The following ADGRA2 variants were observed in gnomAD, a reference collection of about 807,000 sequenced individuals.
ADGRA2 encodes adhesion G protein-coupled receptor A2.
ADGRA2 carries 61 observed loss-of-function variants against 98.7 expected under a neutral mutation model. That is an observed-to-expected ratio of 0.62 (90% CI 0.50 to 0.76). The LOEUF (loss-of-function observed/expected upper bound fraction) is 0.76, where lower values mean the gene tolerates loss of function less well. ADGRA2 is among the 30% of genes least tolerant of loss of function. The probability of loss-of-function intolerance (pLI) is 0.00; values close to 1 mark genes in which losing one functional copy is unlikely to be tolerated. For synonymous variants in ADGRA2, 858 were observed against 831.5 expected, an observed-to-expected ratio of 1.03 and a Z score of -0.55; for missense variants, 1,712 against 1,860.0, an observed-to-expected ratio of 0.92 and a Z score of 1.46.
intron 8 of ADGRA2, among the ~76,000 whole-genome samples, chr8:37,832,080 C>A (rs2130018767): frequency 6.6e-6 from 1 of 151,758 alleles, no homozygotes; most frequent in South Asian, 2.1e-4. Context: ...AACAAACAAA[C>A]AAACAAAATT....
At chr8:37,815,260 C>CTGT (rs1804945266) in intron 2 of ADGRA2, among the ~76,000 whole-genome samples, 1 of 152,240 alleles carries the variant, frequency 6.6e-6, no homozygotes, top group Admixed American at 6.5e-5. Context: ...CTGTGAGGGC[C>CTGT]GAGCTCTCGA....
At chr8:37,825,126 C>A (rs1320594327) in intron 2 of ADGRA2, among the ~76,000 whole-genome samples, 2 of 152,224 alleles carry the variant, frequency 1.3e-5, no homozygotes, top group Admixed American at 6.5e-5. Context: ...CAACACCCTG[C>A]GTCTTTCCCA....
At chr8:37,838,027 C>A in intron 14 of ADGRA2, 88 bp downstream of exon 14, 1 of 1,107,172 alleles carries the variant, frequency 9.0e-7, no homozygotes, top group Non-Finnish European at 1.3e-6. Context: ...CCATTTGGGA[C>A]CATGGAGAAA....
At position 37,843,277 on chromosome 8, in the gene ADGRA2, A is replaced by G. The variant is rs974293816; in HGVS notation, c.*922A>G. ...CCCATCTCCCTAGTCTCAGCCTTAC[A>G]ACACCACGGGACTAAGGAAGAGCAC... On this transcript the variant is annotated 3_prime_UTR_variant, in exon 19 of 19. Coordinates refer to ENST00000412232, the MANE Select transcript of ADGRA2 (RefSeq NM_032777.10). 10 of 152,256 alleles carry G rather than the reference A, an allele frequency of 6.6e-5. No homozygotes were observed. The highest frequency in any genetic ancestry group is 2.4e-4 in the African/African-American group (10 of 41,454). The allele number at this position is 152,256 out of a possible 1,614,324, so 9.4% of individuals were successfully genotyped here.
In ADGRA2 at chr8:37,831,594, C is replaced by T. The variant is rs988856873; in HGVS notation, c.1097+7C>T. ...ACAACCGCGGGGACTTCAGGTTTGG[C>T]CCACTCCACCCTGTAGAGGGCTGCC... is the stretch of plus-strand genomic sequence containing the variant. On this transcript the variant is annotated splice_region_variant and intron_variant, in intron 8 of 18. Coordinates refer to ENST00000412232, the MANE Select transcript of ADGRA2 (RefSeq NM_032777.10). 6.2e-7 allele frequency: 1 copy of T among 1,612,958 alleles called. No homozygotes were observed. The highest frequency in any genetic ancestry group is 2.2e-5 in the East Asian group (1 of 44,878).
At position 37,844,828 on chromosome 8, in the gene ADGRA2, C is replaced by G. The variant is rs2130086401; in HGVS notation, c.*2473C>G. The G allele has an allele frequency of 6.2e-7, 1 of 1,614,198 alleles. No homozygotes were observed. Among genetic ancestry groups the G allele is most frequent in the African/African-American group, 1.3e-5 (1 of 75,056 alleles). ...GTCCCATCCCGAAAGGCAGAGCGGA[C>G]CAGTGACTGGCGGTGCTGGAGAAGG... is the stretch of plus-strand genomic sequence containing the variant. On this transcript the variant is annotated 3_prime_UTR_variant, in exon 19 of 19. Coordinates refer to ENST00000412232, the MANE Select transcript of ADGRA2 (RefSeq NM_032777.10).
intron 2 of ADGRA2, among the ~76,000 whole-genome samples, chr8:37,823,696 C>G (rs1805189459): frequency 1.3e-5 from 2 of 152,180 alleles, no homozygotes; most frequent in Admixed American, 6.5e-5. Context: ...TGTAAGGGTT[C>G]CAGTTCTCCA....
intron 2 of ADGRA2, among the ~76,000 whole-genome samples, chr8:37,822,892 C>CTTT (rs1279274845): frequency 7.2e-6 from 1 of 139,332 alleles, no homozygotes; most frequent in African/African-American, 2.6e-5. Flanking sequence ...GTGGATACTA[C>CTTT]TTTTTTTTTT....
chr8:37,810,440 C>T (rs1229008930), intron 1 of ADGRA2, among the ~76,000 whole-genome samples: 3 of 151,654 alleles, frequency 2.0e-5, no homozygotes, highest in Admixed American at 6.6e-5. Context: ...ACCCAGGAGG[C>T]GGAGGTTGCA....
Position 37,830,886 on chromosome 8 carries a change from G to A in ADGRA2, c.895G>A (p.Ala299Thr), listed in dbSNP as rs767523114. 6.3e-7 allele frequency: 1 copy of A among 1,588,896 alleles called. No homozygotes were observed. The highest frequency in any genetic ancestry group is 1.1e-5 in the South Asian group (1 of 87,402). Reference sequence around the variant, plus strand: ...TGATGAGCAGGCGGGCATCCTCCTGGCCGAGAGCCTCATCCACGACTGCAC... The same window carrying A: ...TGATGAGCAGGCGGGCATCCTCCTGACCGAGAGCCTCATCCACGACTGCAC... ...EGDEQAGILL[A>T]ESLIHDCTFI... The change falls in exon 7 of 19, where the codon GCC becomes ACC. Residue 299 changes from alanine to threonine, a missense_variant. Physicochemically the swap from Ala to Thr is moderately conservative, Grantham distance 58 (BLOSUM62 0). Coordinates refer to ENST00000412232, the MANE Select transcript of ADGRA2 (RefSeq NM_032777.10). The surrounding 1 kb of genome is among the most constrained non-coding windows in gnomAD (Gnocchi z 4.8).
Position 37,842,750 on chromosome 8 carries a change from T to C in ADGRA2, c.*395T>C, listed in dbSNP as rs1437959321. On this transcript the variant is annotated 3_prime_UTR_variant, in exon 19 of 19. Transcript: ENST00000412232. ...AAAGCAGAGATGAGAGCGTGGGAAC[T>C]GTGTTCTTTCCTCCCTGCCCTCTAC... The C allele has an allele frequency of 5.5e-6, 1 of 181,096 alleles. No homozygotes were observed. The highest frequency in any genetic ancestry group is 6.2e-5 in the Admixed American group (1 of 16,042). The allele number at this position is 181,096 out of a possible 1,614,324, so 11.2% of individuals were successfully genotyped here.
chr8:37,831,735 A>T, intron 8 of ADGRA2, 148 bp downstream of exon 8: 1 of 699,466 alleles, frequency 1.4e-6, no homozygotes, highest in Non-Finnish European at 2.4e-6. Flanking sequence ...TTCAGCCTGA[A>T]GCCTTGCTAT....
Position 37,841,780 on chromosome 8 carries a change from G to A in ADGRA2, c.3442G>A (p.Glu1148Lys). 1.3e-6 allele frequency: 2 copies of A among 1,535,394 alleles called. No homozygotes were observed. Among genetic ancestry groups the A allele is most frequent in the Admixed American group, 4.0e-5 (2 of 50,494 alleles). Residue 1148 changes from glutamate to lysine, a missense_variant, in exon 19 of 19, where the codon GAG (glutamate) becomes AAG (lysine). By Grantham distance (56) the Glu-to-Lys change is moderately conservative. Coordinates refer to ENST00000412232, the MANE Select transcript of ADGRA2 (RefSeq NM_032777.10). The surrounding 1 kb of genome is among the most constrained non-coding windows in gnomAD (Gnocchi z 5.0). ...GCAGCTGGCCCAGAGTCAGGTGTGC[G>A]AGGCGGGGGCGGCGGCCGGCGGGGA... ...NLQLAQSQVCEAGAAAGGEGE... is the reference protein window; with the variant it reads ...NLQLAQSQVCKAGAAAGGEGE...
At chr8:37,820,853 A>G (rs1160336829) in intron 2 of ADGRA2, among the ~76,000 whole-genome samples, 1 of 151,238 alleles carries the variant, frequency 6.6e-6, no homozygotes, top group African/African-American at 2.4e-5. Context: ...CATGGGCAGG[A>G]TGGGCAAGGA....
intron 11 of ADGRA2, 22 bp from the exon 12 acceptor site, chr8:37,835,152 A>T: frequency 6.3e-7 from 1 of 1,582,264 alleles, no homozygotes; most frequent in South Asian, 1.1e-5. Context: ...AAATGGTGGG[A>T]TGACAAGGTC....
At chr8:37,823,331 G>A (rs1458486934) in intron 2 of ADGRA2, among the ~76,000 whole-genome samples, 3 of 151,394 alleles carry the variant, frequency 2.0e-5, no homozygotes, top group African/African-American at 7.3e-5. Context: ...CTCCTGAATA[G>A]CTGGGACTTA....
intron 8 of ADGRA2, among the ~76,000 whole-genome samples, 173 bp from the exon 9 acceptor site, chr8:37,832,837 C>T (rs775403687): frequency 2.2e-4 from 34 of 152,240 alleles, no homozygotes; most frequent in African/African-American, 7.2e-4. Context: ...TGTGATAGCC[C>T]GGTCAGAACA....
Position 37,840,790 on chromosome 8 carries a change from C to A in ADGRA2, c.2688C>A (p.Leu896=). ...RFYLIAGGIP[L]IICGITAAVN... ...ATTTGATCGCTGGAGGGATTCCACT[C>A]ATTATCTGTGGCATCACAGCTGCAG... The change falls in exon 18 of 19, where the codon CTC becomes CTA. Residue 896 remains leucine, a synonymous_variant. Transcript: ENST00000412232. 1 of 1,607,402 alleles carries A rather than the reference C, an allele frequency of 6.2e-7. No homozygotes were observed. The highest frequency in any genetic ancestry group is 8.5e-7 in the Non-Finnish European group (1 of 1,174,276).
chr8:37,821,766 A>G (rs1481334601), intron 2 of ADGRA2, among the ~76,000 whole-genome samples: 4 of 152,188 alleles, frequency 2.6e-5, no homozygotes, highest in African/African-American at 9.6e-5. Flanking sequence ...TCATTACTTA[A>G]TGAGATTAAT....
Sources: gnomAD v4.1 joint callset for allele counts (sites outside exome capture counted in the v4.1 genomes callset) on GRCh38, gnomAD v4.1.1 for gene constraint, Gnocchi (gnomAD v3.1) non-coding constraint, MANE v1.5 for transcripts, NCBI Gene and HGNC (gene_info 2026-07-23, HGNC 2026-07-21) for gene names.